Variants in TMEM132D observed in about 807,000 individuals in gnomAD.
TMEM132D encodes the protein transmembrane protein 132D.
Under a neutral mutation model 62.3 loss-of-function variants are expected in TMEM132D, and 21 were observed. The observed-to-expected ratio is 0.34, with a 90% confidence interval of 0.24 to 0.49. TMEM132D has a LOEUF of 0.49. TMEM132D is among the 20% of genes least tolerant of loss of function. The probability of loss-of-function intolerance (pLI) is 0.99; values close to 1 mark genes in which losing one functional copy is unlikely to be tolerated. For missense variants in TMEM132D, 1,346 were observed against 1,402.8 expected, an observed-to-expected ratio of 0.96 and a Z score of 0.65; for synonymous variants, 621 against 575.6, an observed-to-expected ratio of 1.08 and a Z score of -1.13.
At chr12:129,463,507 G>T (rs568561934) in intron 3 of TMEM132D, among the ~76,000 whole-genome samples, 177 of 150,468 alleles carry the variant, frequency 1.2e-3, no homozygotes, top group African/African-American at 4.2e-3. Context: ...AAGTTTTAGG[G>T]TACATGTGCA....
chr12:129,624,684 C>A (rs1023010217), intron 2 of TMEM132D, among the ~76,000 whole-genome samples: 1 of 152,272 alleles, frequency 6.6e-6, no homozygotes, highest in Non-Finnish European at 1.5e-5. Flanking sequence ...GCTGAAAGCC[C>A]CAGAAACCAG....
At chr12:129,486,193 A>G (rs1479699644) in intron 3 of TMEM132D, among the ~76,000 whole-genome samples, 1 of 152,232 alleles carries the variant, frequency 6.6e-6, no homozygotes, top group Non-Finnish European at 1.5e-5. Flanking sequence ...CTCCAGGAGG[A>G]GTGGAAGCTA....
At chr12:129,699,751 T>C (rs2137224912) in intron 2 of TMEM132D, 59 bp downstream of exon 2, 8 of 1,578,680 alleles carry the variant, frequency 5.1e-6, no homozygotes, top group Non-Finnish European at 6.9e-6. Flanking sequence ...TCAAACAGCT[T>C]CTGGAAAACA....
chr12:129,587,726 A>G (rs1343129848), intron 2 of TMEM132D, among the ~76,000 whole-genome samples: 1 of 152,194 alleles, frequency 6.6e-6, no homozygotes, highest in Non-Finnish European at 1.5e-5. Flanking sequence ...TTCAATGGGC[A>G]GTTTCCACAA....
chr12:129,422,198 T>C (rs528235335), intron 3 of TMEM132D, among the ~76,000 whole-genome samples: 250 of 152,132 alleles, frequency 1.6e-3, no homozygotes, highest in Middle Eastern at 6.8e-3. Flanking sequence ...CGAAACATTC[T>C]AAGCAAGAGA....
At chr12:129,560,372 C>T (rs1039780240) in intron 2 of TMEM132D, among the ~76,000 whole-genome samples, 6 of 151,550 alleles carry the variant, frequency 4.0e-5, no homozygotes, top group Non-Finnish European at 5.9e-5. Context: ...CAGGCTCAAG[C>T]GCTCCTGCCT....
intron 2 of TMEM132D, among the ~76,000 whole-genome samples, chr12:129,697,430 T>C (rs1278272380): frequency 6.6e-6 from 1 of 152,210 alleles, no homozygotes; most frequent in Non-Finnish European, 1.5e-5. Flanking sequence ...TCCAGCTGTT[T>C]ACATAAACAC....
At chr12:129,143,109 G>T (rs1876791313) in intron 5 of TMEM132D, among the ~76,000 whole-genome samples, 1 of 152,084 alleles carries the variant, frequency 6.6e-6, no homozygotes, top group Non-Finnish European at 1.5e-5. Context: ...CCCACAGGTT[G>T]AGGGCTCAGT....
chr12:129,409,349 C>T (rs187334060), intron 3 of TMEM132D, among the ~76,000 whole-genome samples: 27 of 152,308 alleles, frequency 1.8e-4, no homozygotes, highest in African/African-American at 5.1e-4. Flanking sequence ...ATCTGTGTGT[C>T]GGACACTCAC....
intron 1 of TMEM132D, among the ~76,000 whole-genome samples, chr12:129,803,131 G>C (rs1053125877): frequency 1.3e-5 from 2 of 151,432 alleles, no homozygotes; most frequent in East Asian, 1.9e-4. Flanking sequence ...ACAGATCAAC[G>C]AGACAGAAAG....
At chr12:129,880,681 C>T (rs1221713508) in intron 1 of TMEM132D, among the ~76,000 whole-genome samples, 2 of 151,988 alleles carry the variant, frequency 1.3e-5, no homozygotes, top group Non-Finnish European at 2.9e-5. Flanking sequence ...CAATTAAATG[C>T]CTGTATTGAA....
chr12:129,635,297 T>C (rs1159787680), intron 2 of TMEM132D, among the ~76,000 whole-genome samples: 1 of 152,242 alleles, frequency 6.6e-6, no homozygotes. Flanking sequence ...TGAGAGCTGA[T>C]GTCTATAACT....
At position 129,812,397 on chromosome 12, in the gene TMEM132D, C is replaced by G. The variant is rs367937545; in HGVS notation, c.79+90864G>C. 4.0e-5 allele frequency among the ~76,000 whole-genome samples: 6 copies of G among 151,700 alleles called. 1 individual carries two copies. In the East Asian group the frequency reaches 7.8e-4, roughly 20 times the overall value. ...GGTTATCTCGTGGACATCTAAAAAC[C>G]CAACACAATCATCTTCTAGTGTTAT... is the stretch of plus-strand genomic sequence containing the variant. On this transcript the variant is annotated intron_variant, in intron 1 of 8. Transcript: ENST00000422113.
chr12:129,750,087 TTTTA>T lies in TMEM132D; in HGVS notation c.80-49393_80-49390del, dbSNP rs370212182. Among the ~76,000 whole-genome samples, 988 of 152,200 alleles carry T rather than the reference TTTTA, an allele frequency of 6.5e-3. 12 individuals carry two copies. The highest frequency in any genetic ancestry group is 0.022 in the African/African-American group (911 of 41,508). On this transcript the variant is annotated intron_variant, in intron 1 of 8. Coordinates refer to ENST00000422113, the MANE Select transcript of TMEM132D (RefSeq NM_133448.3). The stretch of plus-strand genomic sequence containing the variant: ...GCTTGTCAGAGGATGCCCTTTATTT[TTTTA>T]TTTATTTATTTTGAGATGGAGTCTC...
chr12:129,337,504 G>A (rs984445366), intron 4 of TMEM132D, 130 bp downstream of exon 4: 41 of 1,013,364 alleles, frequency 4.0e-5, no homozygotes, highest in Non-Finnish European at 5.7e-5. Context: ...TCAACTTTGT[G>A]GTTTCGTTTC....
At chr12:129,386,906 G>A (rs1566052777) in intron 3 of TMEM132D, among the ~76,000 whole-genome samples, 2 of 146,200 alleles carry the variant, frequency 1.4e-5, no homozygotes, top group South Asian at 2.2e-4. Context: ...AAAACTATAT[G>A]CCAACACCAA....
intron 2 of TMEM132D, among the ~76,000 whole-genome samples, chr12:129,660,110 C>T (rs765090540): frequency 2.1e-4 from 32 of 151,512 alleles, no homozygotes; most frequent in African/African-American, 6.8e-4. Flanking sequence ...GCGGAGTAAC[C>T]GGAAAAGGAG....
intron 3 of TMEM132D, among the ~76,000 whole-genome samples, chr12:129,359,414 C>T (rs1870177146): frequency 6.6e-6 from 1 of 152,126 alleles, no homozygotes; most frequent in African/African-American, 2.4e-5. Context: ...ATTTTAAGGA[C>T]ATTTCAAGTC....
rs751155633 is a variant in TMEM132D at position 129,244,385 on chromosome 12, C to CAAAA, written c.1300-34726_1300-34723dup. On this transcript the variant is annotated intron_variant, in intron 4 of 8. Coordinates refer to ENST00000422113, the MANE Select transcript of TMEM132D (RefSeq NM_133448.3). ...TGGGCGACAGAGCGAGACTCTGTCT[C>CAAAA]AAAAAAAAAAAAAAAAAAAAAAAAC... 2.2e-3 allele frequency among the ~76,000 whole-genome samples: 190 copies of CAAAA among 85,122 alleles called. 1 individual carries two copies. Among genetic ancestry groups the CAAAA allele is most frequent in the African/African-American group, 6.4e-3 (152 of 23,924 alleles). 55.8% of individuals were successfully genotyped at this position (85,122 alleles called of 152,430 possible). A position where few individuals can be genotyped will look rare whatever the true frequency, so the allele number is the denominator to read the frequency against.
Sources: allele counts gnomAD v4.1 joint callset (sites outside exome capture counted in the v4.1 genomes callset), GRCh38; gene constraint gnomAD v4.1.1; transcripts MANE v1.5; gene names NCBI Gene and HGNC (gene_info 2026-07-23, HGNC 2026-07-21).